LGR5: variants seen among roughly 807,000 people sequenced by gnomAD.
LGR5 encodes leucine rich repeat containing G protein-coupled receptor 5, also known as leucine-rich repeat-containing G protein-coupled receptor 5.
In LGR5, 54 loss-of-function variants were observed where a neutral mutation model predicts 76.7. That is an observed-to-expected ratio of 0.70 (90% CI 0.57 to 0.88). The LOEUF is 0.88. Ranked by LOEUF, LGR5 falls within the 40% of genes least tolerant of loss-of-function variation. The pLI is 0.00. For missense variants in LGR5, 1,078 were observed against 1,073.3 expected (o/e 1.00, Z -0.06); for synonymous variants, 406 against 421.9 (o/e 0.96, Z 0.46).
chr12:71,497,150 C>T (rs990895421), intron 1 of LGR5, among the ~76,000 whole-genome samples: 51 of 150,920 alleles, frequency 3.4e-4, no homozygotes, highest in African/African-American at 5.6e-4. Context: ...CTCATCTCTA[C>T]GAAAAAAAAA....
chr12:71,553,797 G>A (rs1468205895), intron 5 of LGR5, among the ~76,000 whole-genome samples: 1 of 152,090 alleles, frequency 6.6e-6, no homozygotes, highest in African/African-American at 2.4e-5. Flanking sequence ...TTGCAATAAA[G>A]AGTAACACAC....
chr12:71,514,199 T>C (rs142576271), intron 2 of LGR5, among the ~76,000 whole-genome samples: 214 of 152,286 alleles, frequency 1.4e-3, no homozygotes, highest in African/African-American at 5.0e-3. Flanking sequence ...ATGTATCTTA[T>C]AGGAGAGCTG....
intron 1 of LGR5, among the ~76,000 whole-genome samples, chr12:71,487,793 G>A (rs1873899039): frequency 6.6e-6 from 1 of 152,166 alleles, no homozygotes; most frequent in Non-Finnish European, 1.5e-5. Flanking sequence ...TTCATAATCT[G>A]TGTCAAACCA....
At chr12:71,470,661 T>C (rs1181154690) in intron 1 of LGR5, among the ~76,000 whole-genome samples, 1 of 152,176 alleles carries the variant, frequency 6.6e-6, no homozygotes, top group East Asian at 1.9e-4. Flanking sequence ...GAGTATGAGA[T>C]AAAATCCAAA....
intron 11 of LGR5, among the ~76,000 whole-genome samples, chr12:71,568,749 A>C (rs552422189): frequency 2.5e-4 from 38 of 152,148 alleles, no homozygotes; most frequent in Non-Finnish European, 4.7e-4. Flanking sequence ...AAGGTGCTTT[A>C]TGTTCTCCTG....
At chr12:71,526,757 C>T (rs1292056682) in intron 3 of LGR5, among the ~76,000 whole-genome samples, 4 of 152,034 alleles carry the variant, frequency 2.6e-5, no homozygotes, top group Non-Finnish European at 5.9e-5. Flanking sequence ...GAGTTGATGT[C>T]GTCCCATCTG....
chr12:71,472,310 G>A (rs1056312598), intron 1 of LGR5, among the ~76,000 whole-genome samples: 28 of 152,048 alleles, frequency 1.8e-4, no homozygotes, highest in African/African-American at 6.3e-4. Flanking sequence ...CCTTAGAATA[G>A]CCCTATGAGA....
chr12:71,469,765 C>T (rs1873017719), intron 1 of LGR5, among the ~76,000 whole-genome samples: 2 of 152,140 alleles, frequency 1.3e-5, no homozygotes, highest in South Asian at 4.1e-4. Context: ...AATTAAAGGC[C>T]CAGTGCCATG....
rs1375617467 is a variant in LGR5, at chr12:71,583,809, C to A, written c.1799C>A (p.Ala600Glu). The A allele has an allele frequency of 4.3e-6, 7 of 1,614,024 alleles. No homozygotes were observed. Among genetic ancestry groups the A allele is most frequent in the Middle Eastern group, 1.6e-4 (1 of 6,084 alleles). The change falls in exon 18 of 18, where the codon GCA becomes GAA. Residue 600 changes from alanine (A) to glutamate (E), a missense_variant. Coordinates refer to ENST00000266674, the MANE Select transcript of LGR5 (RefSeq NM_003667.4). ...ATTAAACTGTTAATTGGGGTCATCG[C>A]AGCAGTGAACATGCTCACGGGAGTC... ...SPIKLLIGVI[A>E]AVNMLTGVSS...
At position 71,548,124 on chromosome 12, in the gene LGR5, T is replaced by C. The variant is rs141822955; in HGVS notation, c.429-4949T>C. On this transcript the variant is annotated intron_variant, in intron 4 of 17. Transcript: ENST00000266674. ...TGAAAGTGTTTTACTTTGCTGCACATAACTGCAGACAGGTTTGGGGCTGCC... is the reference window on the plus strand; with the variant it reads ...TGAAAGTGTTTTACTTTGCTGCACACAACTGCAGACAGGTTTGGGGCTGCC... Among the ~76,000 whole-genome samples the C allele has an allele frequency of 8.0e-3, 1,213 of 152,302 alleles. 7 individuals carry two copies. Among genetic ancestry groups the C allele is most frequent in the South Asian group, 0.043 (206 of 4,828 alleles).
chr12:71,448,525 C>G (rs1872115376), intron 1 of LGR5: 1 of 152,186 alleles, frequency 6.6e-6, no homozygotes, highest in Admixed American at 6.5e-5. Flanking sequence ...ATGCACAAAA[C>G]ACCACATGGT....
At chr12:71,477,364 C>T (rs1010945832) in intron 1 of LGR5, among the ~76,000 whole-genome samples, 27 of 151,530 alleles carry the variant, frequency 1.8e-4, no homozygotes, top group Non-Finnish European at 3.7e-4. Context: ...GGGTGGGACA[C>T]GGACCTAATG....
chr12:71,508,712 C>T (rs1012809624), intron 2 of LGR5, among the ~76,000 whole-genome samples: 2 of 144,374 alleles, frequency 1.4e-5, no homozygotes, highest in African/African-American at 5.3e-5. Flanking sequence ...CAAGATGGTG[C>T]CACTGCAGTC....
Position 71,584,124 on chromosome 12 carries a change from A to C in LGR5, c.2114A>C (p.Lys705Thr), listed in dbSNP as rs776182287. 1 of 1,614,186 alleles carries C rather than the reference A, an allele frequency of 6.2e-7. No homozygotes were observed. Among genetic ancestry groups the C allele is most frequent in the Admixed American group, 1.7e-5 (1 of 60,028 alleles). ...GCAGTTCCCCTGCTGGGTGGCAGCA[A>C]GTATGGCGCCTCCCCTCTCTGCCTG... ...MAAVPLLGGS[K>T]YGASPLCLPL... is the part of the protein sequence containing the mutation. The change falls in exon 18 of 18, where the codon AAG becomes ACG. Residue 705 changes from lysine to threonine, a missense_variant. By Grantham distance (78) the Lys-to-Thr change is moderately conservative (BLOSUM62 -1). Coordinates refer to ENST00000266674, the MANE Select transcript of LGR5 (RefSeq NM_003667.4).
intron 1 of LGR5, among the ~76,000 whole-genome samples, chr12:71,498,128 A>AGGC (rs1592492041): frequency 6.6e-6 from 1 of 152,220 alleles, no homozygotes; most frequent in East Asian, 1.9e-4. Flanking sequence ...GGCACCTTTC[A>AGGC]ATGAATGAGA....
chr12:71,545,091 G>T (rs1390388355), intron 4 of LGR5, among the ~76,000 whole-genome samples: 3 of 151,490 alleles, frequency 2.0e-5, no homozygotes, highest in Non-Finnish European at 4.4e-5. Flanking sequence ...AGGCAACATG[G>T]CAAGACCCCA....
At chr12:71,581,583 TGC>T (rs1302005044) in intron 16 of LGR5, among the ~76,000 whole-genome samples, 1 of 152,270 alleles carries the variant, frequency 6.6e-6, no homozygotes, top group African/African-American at 2.4e-5. Context: ...TCTTGGTCCT[TGC>T]CTTTTTTGTT....
intron 8 of LGR5, among the ~76,000 whole-genome samples, chr12:71,563,069 C>G (rs1878138580): frequency 6.6e-6 from 1 of 152,156 alleles, no homozygotes; most frequent in Non-Finnish European, 1.5e-5. Flanking sequence ...AGCCACAGTA[C>G]TGGTTTTTCA....
intron 13 of LGR5, 84 bp downstream of exon 13, chr12:71,573,005 G>A (rs1211212004): frequency 4.1e-6 from 4 of 974,358 alleles, no homozygotes; most frequent in African/African-American, 3.2e-5. Flanking sequence ...TCTTTTCATT[G>A]TGTACTATTG....
Sources: gnomAD v4.1 joint callset for allele counts (sites outside exome capture counted in the v4.1 genomes callset) on GRCh38, gnomAD v4.1.1 for gene constraint, MANE v1.5 for transcripts, NCBI Gene and HGNC (gene_info 2026-07-23, HGNC 2026-07-21) for gene names.